Variants in KLHDC1 observed in about 807,000 individuals in gnomAD.
KLHDC1 encodes kelch domain-containing protein 1.
KLHDC1 carries 53 observed loss-of-function variants against 68.3 expected under a neutral mutation model. That is an observed-to-expected ratio of 0.78 (90% CI 0.62 to 0.98). The LOEUF (loss-of-function observed/expected upper bound fraction) is 0.98, where lower values mean the gene tolerates loss of function less well. Among genes scored for constraint, KLHDC1 ranks in the 50% least tolerant of loss-of-function variants. The pLI, the probability that KLHDC1 is intolerant of heterozygous loss-of-function variation, is 0.00. For missense variants in KLHDC1, 470 were observed against 492.3 expected, an observed-to-expected ratio of 0.95 and a Z score of 0.43; for synonymous variants, 148 against 159.0, an observed-to-expected ratio of 0.93 and a Z score of 0.52.
At chr14:49,704,151 A>G (rs916286248) in intron 1 of KLHDC1, among the ~76,000 whole-genome samples, 2 of 152,174 alleles carry the variant, frequency 1.3e-5, no homozygotes, top group Non-Finnish European at 2.9e-5. Context: ...TGAGTGTGAC[A>G]TGATAGTTCA....
At chr14:49,707,274 G>GTGTA (rs751932954) in intron 1 of KLHDC1, among the ~76,000 whole-genome samples, 1 of 133,518 alleles carries the variant, frequency 7.5e-6, no homozygotes, top group Admixed American at 7.8e-5. Context: ...CTATTTTTAT[G>GTGTA]TGTGTGTGTG....
At chr14:49,745,927 C>T (rs148740088) in intron 12 of KLHDC1, among the ~76,000 whole-genome samples, 52 of 152,228 alleles carry the variant, frequency 3.4e-4, no homozygotes, top group African/African-American at 1.1e-3. Flanking sequence ...TAGACAATTC[C>T]TCTGGCAACA....
rs936227827 is a variant in KLHDC1 at position 49,725,648 on chromosome 14, A to G, written c.484-38A>G. On this transcript the variant is annotated intron_variant, in intron 5 of 12. Transcript: ENST00000359332. ...AAACTGTAATAATAATGTAAAAATTATTAAAGCTTTGAGATATTTAAAACA... is the reference window on the plus strand; with the variant it reads ...AAACTGTAATAATAATGTAAAAATTGTTAAAGCTTTGAGATATTTAAAACA... 4 of 1,043,804 alleles carry G rather than the reference A, an allele frequency of 3.8e-6. No homozygotes were observed. The African/African-American group carries it at 6.6e-5, about 17-fold the overall frequency. The allele number at this position is 1,043,804 out of a possible 1,614,324, so 64.7% of individuals were successfully genotyped here. A position where few individuals can be genotyped will look rare whatever the true frequency, so the allele number is the denominator to read the frequency against.
At chr14:49,748,159 C>G (rs1889242607) in intron 12 of KLHDC1, among the ~76,000 whole-genome samples, 1 of 152,134 alleles carries the variant, frequency 6.6e-6, no homozygotes, top group African/African-American at 2.4e-5. Context: ...AAAGGTTTCT[C>G]CACACAGATG....
At chr14:49,733,645 A>G (rs1888868128) in intron 9 of KLHDC1, among the ~76,000 whole-genome samples, 1 of 151,832 alleles carries the variant, frequency 6.6e-6, no homozygotes, top group African/African-American at 2.4e-5. Flanking sequence ...CTGGTCTCGA[A>G]TTCCTGACCT....
At chr14:49,720,465 T>C (rs570065540) in intron 4 of KLHDC1, among the ~76,000 whole-genome samples, 19 of 152,250 alleles carry the variant, frequency 1.2e-4, no homozygotes, top group African/African-American at 4.1e-4. Flanking sequence ...TTTGTGTTTT[T>C]GTTTCTCTGT....
chr14:49,699,421 TAA>T (rs75035029), intron 1 of KLHDC1, among the ~76,000 whole-genome samples: 21 of 136,118 alleles, frequency 1.5e-4, no homozygotes, highest in Non-Finnish European at 2.2e-4. Flanking sequence ...GTATAGGCTT[TAA>T]AAAAAAAAAA....
intron 1 of KLHDC1, among the ~76,000 whole-genome samples, chr14:49,708,155 C>T (rs1888108930): frequency 6.6e-6 from 1 of 151,252 alleles, no homozygotes; most frequent in Non-Finnish European, 1.5e-5. Flanking sequence ...ACTGCAACCT[C>T]CGTCTCCCAG....
chr14:49,711,144 C>CA (rs1295253662), intron 4 of KLHDC1, among the ~76,000 whole-genome samples: 1 of 152,276 alleles, frequency 6.6e-6, no homozygotes, highest in Admixed American at 6.5e-5. Context: ...AGGTGCCTGC[C>CA]ACCATGCCCG....
rs1025721630 is a variant in KLHDC1 at position 49,696,867 on chromosome 14, T to G, written c.96+3577T>G. Among the ~76,000 whole-genome samples, 3 of 152,142 alleles carry G rather than the reference T, an allele frequency of 2.0e-5. No homozygotes were observed. The South Asian group carries it at 6.2e-4, about 32-fold the overall frequency. ...TTAATTTCTAGCTTTTGATTTAAAGTGAGGGACAGTCCACTCTTCCTTCAC... is the reference window on the plus strand; with the variant it reads ...TTAATTTCTAGCTTTTGATTTAAAGGGAGGGACAGTCCACTCTTCCTTCAC... On this transcript the variant is annotated intron_variant, in intron 1 of 12. Transcript: ENST00000359332.
In KLHDC1 at chr14:49,724,931, A is replaced by C. The variant is rs370882308; in HGVS notation, c.484-755A>C. 7.2e-5 allele frequency among the ~76,000 whole-genome samples: 11 copies of C among 151,820 alleles called. No homozygotes were observed. The East Asian group carries it at 1.5e-3, about 21-fold the overall frequency. On this transcript the variant is annotated intron_variant, in intron 5 of 12. Transcript: ENST00000359332. ...CTGAGGCAGAAGGATCACTTGTACC[A>C]AGGAGTTTGAGACCAGCCTGGGTAA...
At chr14:49,734,738 G>A in intron 10 of KLHDC1, 77 bp downstream of exon 10, 1 of 664,046 alleles carries the variant, frequency 1.5e-6, no homozygotes, top group Non-Finnish European at 2.4e-6. Flanking sequence ...AATTTATAGT[G>A]TTTGCCATTG....
chr14:49,729,127 A>G (rs879343569), intron 7 of KLHDC1, 118 bp downstream of exon 7: 39 of 687,620 alleles, frequency 5.7e-5, no homozygotes, highest in African/African-American at 1.1e-4. Context: ...ATGGCATTCA[A>G]TACTAATTTT....
chr14:49,702,901 A>G (rs1594649205), intron 1 of KLHDC1, among the ~76,000 whole-genome samples: 1 of 152,278 alleles, frequency 6.6e-6, no homozygotes, highest in East Asian at 1.9e-4. Flanking sequence ...TCCTTGCATA[A>G]AAGGCAGCAG....
chr14:49,738,519 T>C (rs948065951), intron 10 of KLHDC1, among the ~76,000 whole-genome samples: 1 of 152,120 alleles, frequency 6.6e-6, no homozygotes, highest in African/African-American at 2.4e-5. Flanking sequence ...GCTAATTTTT[T>C]TTTTATTTTT....
At chr14:49,695,831 G>C (rs1409313770) in intron 1 of KLHDC1, among the ~76,000 whole-genome samples, 1 of 152,180 alleles carries the variant, frequency 6.6e-6, no homozygotes, top group Non-Finnish European at 1.5e-5. Flanking sequence ...TTGGGAGGCC[G>C]AGGCAGGCGG....
At chr14:49,705,975 T>A (rs896369778) in intron 1 of KLHDC1, among the ~76,000 whole-genome samples, 4 of 152,222 alleles carry the variant, frequency 2.6e-5, no homozygotes, top group African/African-American at 9.6e-5. Context: ...CCTCAAGTAT[T>A]TATCCTTTGT....
At chr14:49,693,748 C>CTTTCTTTTTTTT (rs1887645154) in intron 1 of KLHDC1, among the ~76,000 whole-genome samples, 1 of 61,540 alleles carries the variant, frequency 1.6e-5, no homozygotes, top group African/African-American at 5.4e-5. Flanking sequence ...TTTTCTTTTT[C>CTTTCTTTTTTTT]TTTTTTTTTT....
intron 6 of KLHDC1, among the ~76,000 whole-genome samples, chr14:49,727,141 G>A (rs907333829): frequency 2.0e-4 from 31 of 152,068 alleles, no homozygotes; most frequent in Admixed American, 7.9e-4. Flanking sequence ...CCAGCTACTC[G>A]GGAGGCTGAG....
Sources: gnomAD v4.1 joint callset for allele counts (sites outside exome capture counted in the v4.1 genomes callset) on GRCh38, gnomAD v4.1.1 for gene constraint, MANE v1.5 for transcripts, NCBI Gene and HGNC (gene_info 2026-07-23, HGNC 2026-07-21) for gene names.